FHIT: variants seen among roughly 807,000 people sequenced by gnomAD.
FHIT encodes the protein bis(5'-adenosyl)-triphosphatase.
In FHIT, 19 loss-of-function variants were observed where a neutral mutation model predicts 17.9. The observed-to-expected ratio is 1.06, with a 90% confidence interval of 0.74 to 1.56. The LOEUF (loss-of-function observed/expected upper bound fraction) is 1.56, where lower values mean the gene tolerates loss of function less well. Among genes scored for constraint, FHIT ranks in the 40% most tolerant of loss-of-function variants. FHIT has a pLI of 0.00. For missense variants in FHIT, 248 were observed against 189.2 expected, an observed-to-expected ratio of 1.31 and a Z score of -1.82; for synonymous variants, 81 against 69.7, an observed-to-expected ratio of 1.16 and a Z score of -0.81.
intron 4 of FHIT, among the ~76,000 whole-genome samples, chr3:60,553,555 AG>A (rs1209791806): frequency 4.0e-5 from 6 of 148,658 alleles, no homozygotes; most frequent in Non-Finnish European, 8.9e-5. Context: ...AGAGAGAGAG[AG>A]AGAGGCTCCT....
At chr3:60,414,075 G>A (rs1702159114) in intron 5 of FHIT, among the ~76,000 whole-genome samples, 1 of 152,164 alleles carries the variant, frequency 6.6e-6, no homozygotes, top group South Asian at 2.1e-4. Context: ...ATAGGCGGGT[G>A]GATGACAGAG....
intron 5 of FHIT, among the ~76,000 whole-genome samples, chr3:60,505,688 A>G (rs1359317544): frequency 6.6e-6 from 1 of 151,994 alleles, no homozygotes; most frequent in South Asian, 2.1e-4. Context: ...TTTGATTGCT[A>G]TTTTTCATGT....
At chr3:60,635,778 G>A (rs545617645) in intron 4 of FHIT, among the ~76,000 whole-genome samples, 2 of 152,240 alleles carry the variant, frequency 1.3e-5, no homozygotes, top group South Asian at 2.1e-4. Flanking sequence ...AAGCAGCCTC[G>A]GGATAAATGT....
chr3:60,462,024 C>A (rs886094400), intron 5 of FHIT, among the ~76,000 whole-genome samples: 1 of 152,170 alleles, frequency 6.6e-6, no homozygotes, highest in Admixed American at 6.5e-5. Context: ...GTTCGCCTGA[C>A]TCAGTGCTGG....
At chr3:60,440,326 G>A (rs1385776106) in intron 5 of FHIT, among the ~76,000 whole-genome samples, 1 of 152,022 alleles carries the variant, frequency 6.6e-6, no homozygotes, top group Non-Finnish European at 1.5e-5. Context: ...CATTCTGAGT[G>A]CCCTGTTACC....
intron 4 of FHIT, among the ~76,000 whole-genome samples, chr3:60,546,597 C>T (rs1299238958): frequency 6.6e-6 from 1 of 152,180 alleles, no homozygotes; most frequent in African/African-American, 2.4e-5. Context: ...TAAGGACATT[C>T]CCTTCTCACA....
At chr3:59,862,008 C>G (rs1702426663) in intron 8 of FHIT, among the ~76,000 whole-genome samples, 1 of 143,650 alleles carries the variant, frequency 7.0e-6, no homozygotes, top group African/African-American at 2.6e-5. Context: ...CACAAGATGC[C>G]TTTGGGAAAA....
intron 2 of FHIT, among the ~76,000 whole-genome samples, chr3:61,107,572 A>G (rs2036027237): frequency 6.6e-6 from 1 of 152,336 alleles, no homozygotes. Flanking sequence ...ACTAATGTAC[A>G]TTCTCACCAA....
At chr3:60,844,858 G>A (rs1358055580) in intron 3 of FHIT, among the ~76,000 whole-genome samples, 1 of 152,018 alleles carries the variant, frequency 6.6e-6, no homozygotes. Context: ...GCGCTACATA[G>A]CTGCCTTATT....
chr3:60,832,108 T>C (rs1472673266), intron 3 of FHIT, among the ~76,000 whole-genome samples: 1 of 152,110 alleles, frequency 6.6e-6, no homozygotes, highest in Non-Finnish European at 1.5e-5. Context: ...ATAATGCTCA[T>C]TATGTGCTGG....
chr3:61,153,965 C>T lies in FHIT; in HGVS notation c.-164+46652G>A, dbSNP rs555390090. On this transcript the variant is annotated intron_variant, in intron 2 of 9. Transcript: ENST00000492590. ...ACAAGGGAAAAAACACAGTTTGCAACTATGTATATCTCCTCACATCAAAGT... is the reference window on the plus strand; with the variant it reads ...ACAAGGGAAAAAACACAGTTTGCAATTATGTATATCTCCTCACATCAAAGT... Among the ~76,000 whole-genome samples the T allele has an allele frequency of 7.9e-5, 12 of 152,302 alleles. No individual in the cohort carries two copies. In the East Asian group the frequency reaches 2.3e-3, roughly 29 times the overall value.
At chr3:60,052,306 G>A (rs949939061) in intron 5 of FHIT, among the ~76,000 whole-genome samples, 2 of 152,010 alleles carry the variant, frequency 1.3e-5, no homozygotes, top group African/African-American at 4.8e-5. Context: ...CCTATCACGA[G>A]TACACCCTGA....
intron 8 of FHIT, among the ~76,000 whole-genome samples, chr3:59,771,961 C>T (rs1428303728): frequency 6.6e-6 from 1 of 152,138 alleles, no homozygotes; most frequent in Admixed American, 6.5e-5. Flanking sequence ...CCATGAGTCA[C>T]AGCTTTAAAG....
intron 5 of FHIT, among the ~76,000 whole-genome samples, chr3:60,469,560 T>A (rs1414160554): frequency 4.6e-5 from 7 of 152,160 alleles, no homozygotes; most frequent in Non-Finnish European, 1.0e-4. Context: ...CTTCTCTGTG[T>A]TATCTTGGAT....
chr3:59,946,503 C>T (rs1479387420), intron 7 of FHIT, among the ~76,000 whole-genome samples: 1 of 152,066 alleles, frequency 6.6e-6, no homozygotes, highest in East Asian at 1.9e-4. Context: ...ATTTATATGC[C>T]TTTTATTTCT....
chr3:61,207,606 T>TGC (rs2039290477), intron 1 of FHIT, among the ~76,000 whole-genome samples: 2 of 152,214 alleles, frequency 1.3e-5, no homozygotes, highest in African/African-American at 2.4e-5. Flanking sequence ...TTTATTTGCA[T>TGC]AGAGGTGTTC....
At chr3:59,794,974 A>G (rs1699719192) in intron 8 of FHIT, among the ~76,000 whole-genome samples, 1 of 152,192 alleles carries the variant, frequency 6.6e-6, no homozygotes, top group Non-Finnish European at 1.5e-5. Flanking sequence ...CAGTTTCCTC[A>G]CCTGTAAAGT....
chr3:60,655,996 C>T (rs1553689453), intron 4 of FHIT, among the ~76,000 whole-genome samples: 3 of 152,146 alleles, frequency 2.0e-5, no homozygotes, highest in Admixed American at 2.0e-4. Flanking sequence ...ATTACTGCAC[C>T]CTGTGTTCAC....
rs187595732 is a variant in FHIT, at chr3:60,153,246, T to C, written c.104-139094A>G. 3.3e-5 allele frequency among the ~76,000 whole-genome samples: 5 copies of C among 151,694 alleles called. No homozygotes were observed. In the East Asian group the frequency reaches 9.8e-4, roughly 30 times the overall value. On this transcript the variant is annotated intron_variant, in intron 5 of 9. Transcript: ENST00000492590. Reference sequence around the variant, plus strand: ...CTCAGTGTCTCCAGTTATTAAGTAGTAAAACCCAGACTAGAACCTGTGTTT... The same window carrying C: ...CTCAGTGTCTCCAGTTATTAAGTAGCAAAACCCAGACTAGAACCTGTGTTT...
Sources: allele counts gnomAD v4.1 joint callset (sites outside exome capture counted in the v4.1 genomes callset), GRCh38; gene constraint gnomAD v4.1.1; transcripts MANE v1.5; gene names NCBI Gene and HGNC (gene_info 2026-07-23, HGNC 2026-07-21).